NLGN1: variants seen among roughly 807,000 people sequenced by gnomAD.
The protein encoded by NLGN1 is neuroligin-1.
Under a neutral mutation model 65.5 loss-of-function variants are expected in NLGN1, and 12 were observed. That is an observed-to-expected ratio of 0.18 (90% CI 0.12 to 0.30). The LOEUF (loss-of-function observed/expected upper bound fraction) is 0.30. NLGN1 is among the 10% of genes least tolerant of loss of function. NLGN1 has a pLI of 1.00. For synonymous variants in NLGN1, 350 were observed against 359.5 expected, an observed-to-expected ratio of 0.97 and a Z score of 0.30; for missense variants, 750 against 1,007.1, an observed-to-expected ratio of 0.74 and a Z score of 3.46.
chr3:174,110,992 G>A (rs1030536656), intron 4 of NLGN1, among the ~76,000 whole-genome samples: 22 of 151,872 alleles, frequency 1.4e-4, no homozygotes, highest in African/African-American at 4.6e-4. Context: ...AATATTTATC[G>A]TCAGTCCTTA....
At chr3:173,582,450 C>T (rs1184208188) in intron 2 of NLGN1, among the ~76,000 whole-genome samples, 1 of 152,022 alleles carries the variant, frequency 6.6e-6, no homozygotes, top group Non-Finnish European at 1.5e-5. Context: ...TTCACATTTT[C>T]ATCAATATTA....
At chr3:174,150,800 A>T (rs570013306) in intron 4 of NLGN1, among the ~76,000 whole-genome samples, 1 of 152,174 alleles carries the variant, frequency 6.6e-6, no homozygotes, top group Non-Finnish European at 1.5e-5. Flanking sequence ...GTTGGAGAAT[A>T]CAGTGGCATA....
intron 4 of NLGN1, among the ~76,000 whole-genome samples, chr3:174,133,681 T>C (rs981670189): frequency 1.3e-5 from 2 of 152,214 alleles, no homozygotes; most frequent in African/African-American, 4.8e-5. Context: ...CTGAAGATCT[T>C]AGTTATTCCT....
intron 3 of NLGN1, among the ~76,000 whole-genome samples, chr3:173,675,237 A>G (rs1159782487): frequency 6.6e-6 from 1 of 152,170 alleles, no homozygotes; most frequent in Non-Finnish European, 1.5e-5. Context: ...CCTTAATGAA[A>G]TGTTTTTATT....
At chr3:173,919,501 C>T (rs1050395410) in intron 4 of NLGN1, among the ~76,000 whole-genome samples, 2 of 152,158 alleles carry the variant, frequency 1.3e-5, no homozygotes, top group Non-Finnish European at 2.9e-5. Flanking sequence ...CCACATTTCA[C>T]AGAAGAGGAA....
intron 2 of NLGN1, among the ~76,000 whole-genome samples, chr3:173,488,491 A>G (rs1216092783): frequency 6.6e-6 from 1 of 151,946 alleles, no homozygotes; most frequent in African/African-American, 2.4e-5. Context: ...ACTTTTGCCT[A>G]TGTCTATCTG....
At chr3:173,524,170 C>T (rs994791907) in intron 2 of NLGN1, among the ~76,000 whole-genome samples, 1 of 151,902 alleles carries the variant, frequency 6.6e-6, no homozygotes, top group Admixed American at 6.6e-5. Context: ...TCGTGATCTG[C>T]CCGCCTCAGC....
chr3:174,134,775 T>A (rs1230179581), intron 4 of NLGN1, among the ~76,000 whole-genome samples: 1 of 152,186 alleles, frequency 6.6e-6, no homozygotes, highest in Non-Finnish European at 1.5e-5. Flanking sequence ...CAATTTCTCA[T>A]ACACAGTTAA....
At chr3:173,723,569 T>G (rs1272643529) in intron 3 of NLGN1, among the ~76,000 whole-genome samples, 1 of 152,176 alleles carries the variant, frequency 6.6e-6, no homozygotes, top group Non-Finnish European at 1.5e-5. Flanking sequence ...ACTGAAGTGA[T>G]GACCAAGTTT....
At chr3:173,560,152 C>T (rs1742463093) in intron 2 of NLGN1, among the ~76,000 whole-genome samples, 1 of 152,108 alleles carries the variant, frequency 6.6e-6, no homozygotes, top group Non-Finnish European at 1.5e-5. Context: ...ACCGCGGTCT[C>T]GATCTCCTGA....
chr3:174,112,962 T>C (rs1322975977), intron 4 of NLGN1, among the ~76,000 whole-genome samples: 2 of 151,896 alleles, frequency 1.3e-5, no homozygotes, highest in East Asian at 3.9e-4. Context: ...GAAATATATG[T>C]GTATGTGCTA....
At chr3:174,257,667 T>G (rs1008721438) in intron 4 of NLGN1, among the ~76,000 whole-genome samples, 2 of 151,902 alleles carry the variant, frequency 1.3e-5, no homozygotes, top group African/African-American at 4.8e-5. Flanking sequence ...TGGTTTCCTG[T>G]GTCAAATACA....
chr3:174,019,083 A>G lies in NLGN1; in HGVS notation c.646+211251A>G, dbSNP rs760608775. On this transcript the variant is annotated intron_variant, in intron 4 of 6. Transcript: ENST00000457714. ...ATAAATCAGGTATTCAATGCCACCA[A>G]ATACAAGCAGCAGTAAAAAATATGT... Among the ~76,000 whole-genome samples, 8 of 152,156 alleles carry G rather than the reference A, an allele frequency of 5.3e-5. No homozygotes were observed. The East Asian group carries it at 1.5e-3, about 29-fold the overall frequency.
intron 1 of NLGN1, among the ~76,000 whole-genome samples, chr3:173,428,826 G>A (rs892619656): frequency 1.3e-5 from 2 of 151,736 alleles, no homozygotes; most frequent in African/African-American, 4.8e-5. Flanking sequence ...TATAAGCTCA[G>A]TCTGGTGGTG....
chr3:173,906,851 C>T (rs368456293), intron 4 of NLGN1, among the ~76,000 whole-genome samples: 4 of 144,848 alleles, frequency 2.8e-5, no homozygotes, highest in Admixed American at 1.4e-4. Flanking sequence ...CATAGTGAGA[C>T]CTCATCTTTA....
chr3:173,540,120 G>C (rs933766472), intron 2 of NLGN1, among the ~76,000 whole-genome samples: 1 of 152,018 alleles, frequency 6.6e-6, no homozygotes, highest in Non-Finnish European at 1.5e-5. Context: ...CTCAGAAGAA[G>C]GGTAGTCATC....
chr3:174,164,389 C>T (rs1577171457), intron 4 of NLGN1, among the ~76,000 whole-genome samples: 1 of 151,964 alleles, frequency 6.6e-6, no homozygotes, highest in East Asian at 1.9e-4. Context: ...TGTTTACTCT[C>T]TTGATAGTTT....
chr3:173,639,625 G>A (rs114961717), intron 3 of NLGN1, among the ~76,000 whole-genome samples: 2,193 of 152,276 alleles, frequency 0.014, 22 homozygotes, highest in Non-Finnish European at 0.021. Context: ...ACAAGACTTA[G>A]CAATTGTTTT....
chr3:173,867,990 A>C (rs184898829), intron 4 of NLGN1, among the ~76,000 whole-genome samples: 1 of 152,300 alleles, frequency 6.6e-6, no homozygotes, highest in African/African-American at 2.4e-5. Context: ...TGAAAATCTT[A>C]ATCTCCACTA....
Sources: gnomAD v4.1 joint callset for allele counts (sites outside exome capture counted in the v4.1 genomes callset) on GRCh38, gnomAD v4.1.1 for gene constraint, MANE v1.5 for transcripts, NCBI Gene and HGNC (gene_info 2026-07-23, HGNC 2026-07-21) for gene names.